Variants in TRMT11 observed in about 807,000 individuals in gnomAD.
TRMT11 encodes the protein tRNA (guanine(10)-N(2))-methyltransferase TRMT11.
TRMT11 carries 53 observed loss-of-function variants against 62.8 expected under a neutral mutation model. That is an observed-to-expected ratio of 0.84 (90% CI 0.68 to 1.06). The LOEUF (loss-of-function observed/expected upper bound fraction) is 1.06. Among genes scored for constraint, TRMT11 ranks in the 50% least tolerant of loss-of-function variants. The pLI, the probability that TRMT11 is intolerant of heterozygous loss-of-function variation, is 0.00. For synonymous variants in TRMT11, 188 were observed against 190.3 expected, an observed-to-expected ratio of 0.99 and a Z score of 0.10; for missense variants, 556 against 553.4, an observed-to-expected ratio of 1.00 and a Z score of -0.05.
At chr6:126,100,757 A>G (rs60815275) in intron 17 of TRMT11, among the ~76,000 whole-genome samples, 15,241 of 152,204 alleles carry the variant, frequency 0.1, 2,434 homozygotes, top group African/African-American at 0.34. Context: ...AGTGCTTTAC[A>G]TTTATTGCAC....
At chr6:126,126,818 G>A (rs555274267) in intron 21 of TRMT11, among the ~76,000 whole-genome samples, 16 of 152,168 alleles carry the variant, frequency 1.1e-4, no homozygotes, top group African/African-American at 3.6e-4. Flanking sequence ...GTTAACCCTA[G>A]GGTCCTGTGA....
the TRMT11 span, among the ~76,000 whole-genome samples, chr6:126,210,254 T>C: frequency 1.3e-5 from 2 of 152,278 alleles, no homozygotes; most frequent in Admixed American, 6.5e-5. Flanking sequence ...GGAAGCACTG[T>C]TGTTGACCTT....
chr6:126,049,990 G>T (rs1378099460), intron 16 of TRMT11, among the ~76,000 whole-genome samples: 1 of 152,148 alleles, frequency 6.6e-6, no homozygotes, highest in African/African-American at 2.4e-5. Flanking sequence ...TTTGAAAAAG[G>T]TAGGCTGGGG....
At chr6:126,237,065 TAGAGAGAGAGAG>T in the TRMT11 span, among the ~76,000 whole-genome samples, 7 of 142,568 alleles carry the variant, frequency 4.9e-5, no homozygotes, top group African/African-American at 7.6e-5. Flanking sequence ...CTCCTAGAGA[TAGAGAGAGAGAG>T]AGAGAGAGAG....
the TRMT11 span, among the ~76,000 whole-genome samples, chr6:126,269,212 C>T: frequency 7.2e-6 from 1 of 138,612 alleles, no homozygotes; most frequent in South Asian, 2.2e-4. Context: ...TGCAGTGAGC[C>T]GAGATCCCGC....
At chr6:126,079,806 C>A (rs1777119210) in intron 17 of TRMT11, among the ~76,000 whole-genome samples, 1 of 152,106 alleles carries the variant, frequency 6.6e-6, no homozygotes, top group African/African-American at 2.4e-5. Flanking sequence ...CCGTGGTAAG[C>A]TAACTATGAC....
chr6:126,187,215 A>G (rs1778537268), intron 1 of TRMT11, among the ~76,000 whole-genome samples: 3 of 152,072 alleles, frequency 2.0e-5, no homozygotes, highest in East Asian at 1.9e-4. Flanking sequence ...AGAAAACTCT[A>G]TGGAACCCAC....
At chr6:126,154,447 C>G (rs919162249) in intron 21 of TRMT11, among the ~76,000 whole-genome samples, 2 of 151,928 alleles carry the variant, frequency 1.3e-5, no homozygotes, top group African/African-American at 4.8e-5. Context: ...TTTACTGTAG[C>G]ACGTAGAAAT....
At chr6:126,114,393 G>T (rs1431821826) in intron 18 of TRMT11, among the ~76,000 whole-genome samples, 3 of 152,068 alleles carry the variant, frequency 2.0e-5, no homozygotes, top group Non-Finnish European at 4.4e-5. Flanking sequence ...GAACAGTGGG[G>T]CTAGAAAGAT....
chr6:126,147,920 A>T (rs963498850), intron 21 of TRMT11, among the ~76,000 whole-genome samples: 1 of 152,226 alleles, frequency 6.6e-6, no homozygotes. Context: ...TAGGGAAGGG[A>T]TAGCATCAGG....
At chr6:126,121,564 C>T (rs546201032) in intron 21 of TRMT11, among the ~76,000 whole-genome samples, 1 of 152,112 alleles carries the variant, frequency 6.6e-6, no homozygotes, top group East Asian at 1.9e-4. Flanking sequence ...GGTTAATGTT[C>T]TATCTTCTTC....
intron 1 of TRMT11, among the ~76,000 whole-genome samples, chr6:125,992,943 T>G (rs1790858475): frequency 6.6e-6 from 1 of 152,236 alleles, no homozygotes; most frequent in African/African-American, 2.4e-5. Context: ...CTCATTCTTC[T>G]TGGTCTTGGA....
chr6:126,110,163 C>T (rs1351280400), intron 17 of TRMT11, among the ~76,000 whole-genome samples: 1 of 152,112 alleles, frequency 6.6e-6, no homozygotes, highest in Non-Finnish European at 1.5e-5. Flanking sequence ...AGCAGTTGTA[C>T]CCACCTTATC....
chr6:126,089,282 T>C (rs377516740), intron 17 of TRMT11, among the ~76,000 whole-genome samples: 10 of 152,032 alleles, frequency 6.6e-5, no homozygotes, highest in African/African-American at 2.4e-4. Flanking sequence ...CCCAGCAAAT[T>C]TTTGCATTTT....
intron 12 of TRMT11, among the ~76,000 whole-genome samples, chr6:126,031,488 G>C (rs1583801019): frequency 6.6e-6 from 1 of 152,168 alleles, no homozygotes; most frequent in Admixed American, 6.5e-5. Flanking sequence ...AGTGATCTGT[G>C]AGAGGTGTTG....
intron 17 of TRMT11, among the ~76,000 whole-genome samples, chr6:126,092,885 A>G (rs1777293477): frequency 6.6e-6 from 1 of 152,212 alleles, no homozygotes; most frequent in South Asian, 2.1e-4. Flanking sequence ...TGTGACTCAG[A>G]AAGTGAGTTC....
chr6:126,021,026 ATGT>A, intron 11 of TRMT11, 131 bp from the exon 12 acceptor site: 1 of 974,230 alleles, frequency 1.0e-6, no homozygotes, highest in South Asian at 1.9e-5. Context: ...TTTATGGATC[ATGT>A]GGACAGTTAG....
intron 17 of TRMT11, among the ~76,000 whole-genome samples, chr6:126,089,981 T>C (rs893538038): frequency 1.3e-5 from 2 of 152,224 alleles, no homozygotes; most frequent in Non-Finnish European, 2.9e-5. Flanking sequence ...ACATGCCATT[T>C]CATGCCTCTG....
At chr6:126,160,329 T>G (rs1778174678) in intron 21 of TRMT11, among the ~76,000 whole-genome samples, 3 of 152,094 alleles carry the variant, frequency 2.0e-5, no homozygotes, top group Admixed American at 6.6e-5. Flanking sequence ...ACTGGAAAAA[T>G]TTATTTTTCA....
Sources: allele counts gnomAD v4.1 joint callset (sites outside exome capture counted in the v4.1 genomes callset), GRCh38; gene constraint gnomAD v4.1.1; transcripts MANE v1.5; gene names NCBI Gene and HGNC (gene_info 2026-07-23, HGNC 2026-07-21).